The following OR1R1 variants were observed in gnomAD, a reference collection of about 807,000 sequenced individuals.
The protein encoded by OR1R1 is olfactory receptor 1R1.
At chr17:3,385,947 CA>C in the OR1R1 span, 6 of 398,560 alleles carry the variant, frequency 1.5e-5, no homozygotes, top group Admixed American at 4.4e-5. Context: ...CGACCAACCT[CA>C]CATCTGCCCC....
the OR1R1 span, chr17:3,386,407 A>G: frequency 5.0e-6 from 2 of 398,344 alleles, no homozygotes; most frequent in Non-Finnish European, 8.9e-6. Flanking sequence ...GCTGCTGCAC[A>G]CGCTGCTCCT....
At chr17:3,386,275 G>A in the OR1R1 span, 4 of 398,522 alleles carry the variant, frequency 1.0e-5, no homozygotes, top group Non-Finnish European at 1.8e-5. Context: ...CTACCTCCTG[G>A]CGGCCATGTC....
the OR1R1 span, chr17:3,386,317 C>T: frequency 2.0e-5 from 8 of 398,302 alleles, no homozygotes; most frequent in African/African-American, 1.6e-4. Context: ...GTGCCGGCCC[C>T]TGCGCTACGG....
At chr17:3,386,278 G>C in the OR1R1 span, 4 of 398,566 alleles carry the variant, frequency 1.0e-5, no homozygotes, top group Non-Finnish European at 1.8e-5. Context: ...CCTCCTGGCG[G>C]CCATGTCCTA....
At chr17:3,385,931 T>C in the OR1R1 span, 6 of 398,684 alleles carry the variant, frequency 1.5e-5, no homozygotes, top group Non-Finnish European at 2.7e-5. Context: ...GTCCACTCCA[T>C]GGCTCCGACC....
chr17:3,386,616 C>G, the OR1R1 span: 8 of 398,624 alleles, frequency 2.0e-5, no homozygotes, highest in Admixed American at 1.8e-4. Flanking sequence ...CTCGGCTTGC[C>G]GGCGGCCGGC....
the OR1R1 span, chr17:3,386,760 C>G: frequency 2.5e-6 from 1 of 398,552 alleles, no homozygotes; most frequent in Non-Finnish European, 4.4e-6. Flanking sequence ...CCAGCGTGGT[C>G]TACGCTGTCA....
chr17:3,386,474 C>T, the OR1R1 span: 1 of 398,424 alleles, frequency 2.5e-6, no homozygotes, highest in East Asian at 3.6e-5. Flanking sequence ...TGCGACATGA[C>T]GGTGATGCTG....
the OR1R1 span, chr17:3,386,280 C>T: frequency 2.5e-6 from 1 of 398,732 alleles, no homozygotes; most frequent in Non-Finnish European, 4.4e-6. Context: ...TCCTGGCGGC[C>T]ATGTCCTACG....
chr17:3,386,297 C>G, the OR1R1 span: 44 of 398,306 alleles, frequency 1.1e-4, no homozygotes, highest in Non-Finnish European at 1.8e-4. Context: ...TACGACCGCC[C>G]GACGGCGGCG....
At chr17:3,386,319 G>T in the OR1R1 span, 11 of 398,160 alleles carry the variant, frequency 2.8e-5, no homozygotes, top group Non-Finnish European at 4.0e-5. Context: ...GCCGGCCCCT[G>T]CGCTACGGCG....
the OR1R1 span, chr17:3,386,002 CCG>C: frequency 2.5e-6 from 1 of 398,782 alleles, no homozygotes; most frequent in East Asian, 3.6e-5. Flanking sequence ...AGACGCCCAC[CCG>C]CTGCTGTTCC....
chr17:3,386,338 A>G, the OR1R1 span: 2 of 397,684 alleles, frequency 5.0e-6, no homozygotes, highest in East Asian at 3.6e-5. Flanking sequence ...CGCGCTGGTG[A>G]CGCCATGGCG....
the OR1R1 span, chr17:3,386,640 C>T: frequency 2.5e-6 from 1 of 397,852 alleles, no homozygotes; most frequent in Non-Finnish European, 4.4e-6. Context: ...GCGCCTTCTC[C>T]ACCTGCGGGG....
the OR1R1 span, chr17:3,386,656 C>G: frequency 2.7e-6 from 1 of 366,766 alleles, no homozygotes; most frequent in Non-Finnish European, 4.7e-6. Context: ...CGGGGCCCAC[C>G]TAGTGGCGGT....
chr17:3,386,839 G>A, the OR1R1 span: 5 of 398,606 alleles, frequency 1.3e-5, no homozygotes, highest in Non-Finnish European at 2.2e-5. Flanking sequence ...CCTGAAAAGG[G>A]GGCTCAGATG....
chr17:3,386,073 G>A, the OR1R1 span: 2 of 398,808 alleles, frequency 5.0e-6, no homozygotes, highest in Non-Finnish European at 8.8e-6. Flanking sequence ...TGGTGGCGCT[G>A]GTGAGATCCG....
the OR1R1 span, chr17:3,386,301 G>A: frequency 1.5e-5 from 6 of 398,178 alleles, no homozygotes; most frequent in Non-Finnish European, 2.7e-5. Context: ...ACCGCCCGAC[G>A]GCGGCGTGCC....
At chr17:3,386,841 G>A in the OR1R1 span, 1 of 398,644 alleles carries the variant, frequency 2.5e-6, no homozygotes, top group Admixed American at 4.4e-5. Context: ...TGAAAAGGGG[G>A]CTCAGATGGA....
Sources: allele counts gnomAD v4.1 joint callset, GRCh38; gene constraint gnomAD v4.1.1; transcripts MANE v1.5; gene names NCBI Gene and HGNC (gene_info 2026-07-23, HGNC 2026-07-21).